The following GNG7 variants were observed in gnomAD, a reference collection of about 807,000 sequenced individuals.
GNG7 encodes the protein G protein subunit gamma 7, also known as guanine nucleotide-binding protein G(I)/G(S)/G(O) subunit gamma-7.
GNG7 carries 1 observed loss-of-function variant against 4.0 expected under a neutral mutation model. The observed-to-expected ratio is 0.25, with a 90% CI of 0.09 to 1.18. The LOEUF is 1.18. Ranked by LOEUF, GNG7 falls within the 50% of genes most tolerant of loss-of-function variation. The pLI is 0.50. For synonymous variants in GNG7, 34 were observed against 36.9 expected, an observed-to-expected ratio of 0.92 and a Z score of 0.29; for missense variants, 86 against 91.9, an observed-to-expected ratio of 0.94 and a Z score of 0.26.
chr19:2,592,697 G>A (rs938557169), intron 2 of GNG7, among the ~76,000 whole-genome samples: 6 of 136,262 alleles, frequency 4.4e-5, no homozygotes, highest in African/African-American at 1.3e-4. Context: ...TGATTGCATC[G>A]TTTCACTCCA....
intron 3 of GNG7, among the ~76,000 whole-genome samples, chr19:2,542,295 T>A (rs925234991): frequency 1.3e-5 from 2 of 151,922 alleles, no homozygotes; most frequent in Non-Finnish European, 2.9e-5. Flanking sequence ...TTGTATTTTT[T>A]AGTCGAGACG....
chr19:2,657,358 AAAAATATATATATATATAT>A (rs1490412630), intron 1 of GNG7, among the ~76,000 whole-genome samples: 6 of 21,060 alleles, frequency 2.8e-4, no homozygotes, highest in Admixed American at 7.9e-4. Flanking sequence ...AAAAAAAAAA[AAAAATATATATATATATAT>A]ATATATATAT....
intron 2 of GNG7, among the ~76,000 whole-genome samples, chr19:2,589,277 C>T (rs1980767005): frequency 6.7e-6 from 1 of 149,434 alleles, no homozygotes; most frequent in African/African-American, 2.5e-5. Context: ...GGCTGGAGTG[C>T]AGTGGCGCGA....
intron 1 of GNG7, among the ~76,000 whole-genome samples, chr19:2,658,957 G>A (rs1329398049): frequency 1.3e-5 from 2 of 150,520 alleles, no homozygotes; most frequent in African/African-American, 4.9e-5. Context: ...GTTGTATCAC[G>A]AACCAAGCGT....
At chr19:2,531,518 G>T (rs1249228207) in intron 3 of GNG7, among the ~76,000 whole-genome samples, 1 of 151,980 alleles carries the variant, frequency 6.6e-6, no homozygotes, top group African/African-American at 2.4e-5. Flanking sequence ...ATTTCTACAT[G>T]CAAATCCGCA....
In GNG7 at chr19:2,673,467, C is replaced by T. The variant is rs148438554; in HGVS notation, c.-134-27187G>A. Among the ~76,000 whole-genome samples the T allele has an allele frequency of 3.8e-3, 571 of 151,744 alleles. 3 individuals are homozygous for T. The highest frequency in any genetic ancestry group is 0.013 in the African/African-American group (550 of 41,396). ...CAGCACTTTGGGAGGCCGAGGCGGG[C>T]GGCTCACCTGAGGTCAGGAATTCGA... On this transcript the variant is annotated intron_variant, in intron 1 of 4. Coordinates refer to ENST00000382159, the MANE Select transcript of GNG7 (RefSeq NM_052847.3).
At chr19:2,573,315 G>T (rs1351730368) in intron 2 of GNG7, among the ~76,000 whole-genome samples, 1 of 151,120 alleles carries the variant, frequency 6.6e-6, no homozygotes, top group African/African-American at 2.4e-5. Flanking sequence ...GAGCCCCCAC[G>T]CCTGGCCTGG....
At chr19:2,683,804 G>C (rs1169536300) in intron 1 of GNG7, 1 of 152,248 alleles carries the variant, frequency 6.6e-6, no homozygotes, top group Admixed American at 6.5e-5. Flanking sequence ...TCTTGCACAG[G>C]GACGGGCCAG....
At position 2,605,265 on chromosome 19, in the gene GNG7, C is replaced by G. The variant is rs538438084; in HGVS notation, c.-78+40959G>C. 9.2e-5 allele frequency among the ~76,000 whole-genome samples: 14 copies of G among 152,222 alleles called. No individual in the cohort carries two copies. The South Asian group carries it at 2.7e-3, about 29-fold the overall frequency. On this transcript the variant is annotated intron_variant, in intron 2 of 4. Coordinates refer to ENST00000382159, the MANE Select transcript of GNG7 (RefSeq NM_052847.3). ...CAGGTTGGAGTGCACCAGACACCATCTCGGCTCACTGCAACCTCCGCCTCC... is the reference window on the plus strand; with the variant it reads ...CAGGTTGGAGTGCACCAGACACCATGTCGGCTCACTGCAACCTCCGCCTCC...
chr19:2,546,719 G>A lies in GNG7; in HGVS notation c.-38+8430C>T, dbSNP rs1028394314. On this transcript the variant is annotated intron_variant, in intron 3 of 4. Coordinates refer to ENST00000382159, the MANE Select transcript of GNG7 (RefSeq NM_052847.3). The surrounding 1 kb of genome is among the most constrained non-coding windows in gnomAD (Gnocchi z 6.3). ...AGGCCGCGACGACAGAGGGTGACGCGCCGCCAGTGTGGGTTTGGTCGCCGC... is the reference window on the plus strand; with the variant it reads ...AGGCCGCGACGACAGAGGGTGACGCACCGCCAGTGTGGGTTTGGTCGCCGC... Among the ~76,000 whole-genome samples, 49 of 152,338 alleles carry A rather than the reference G, an allele frequency of 3.2e-4. No individual in the cohort carries two copies. Among genetic ancestry groups the A allele is most frequent in the African/African-American group, 9.1e-4 (38 of 41,582 alleles).
At chr19:2,662,459 C>T (rs1983206570) in intron 1 of GNG7, among the ~76,000 whole-genome samples, 1 of 152,048 alleles carries the variant, frequency 6.6e-6, no homozygotes, top group South Asian at 2.1e-4. Context: ...TCTTCAGATA[C>T]CAGTAGCAAG....
Position 2,512,994 on chromosome 19 carries a change from G to T in GNG7, c.*2028C>A. ...CTGGGGCTCTCCCGGGCCAACAGCA[G>T]GTTTGGCGGGTAGGGCTCCCCGAAG... is the stretch of plus-strand genomic sequence containing the variant. On this transcript the variant is annotated 3_prime_UTR_variant, in exon 5 of 5. Transcript: ENST00000382159. The surrounding 1 kb of genome is among the most constrained non-coding windows in gnomAD (Gnocchi z 4.7). 1 of 985,470 alleles carries T rather than the reference G, an allele frequency of 1.0e-6. No homozygotes were observed. The highest frequency in any genetic ancestry group is 4.7e-5 in the South Asian group (1 of 21,292). 61.0% of individuals were successfully genotyped at this position (985,470 alleles called of 1,614,324 possible). A position where few individuals can be genotyped will look rare whatever the true frequency, so the allele number is the denominator to read the frequency against.
At chr19:2,551,892 C>G (rs1343351373) in intron 3 of GNG7, among the ~76,000 whole-genome samples, 1 of 151,988 alleles carries the variant, frequency 6.6e-6, no homozygotes, top group Non-Finnish European at 1.5e-5. Flanking sequence ...GCCATGTTGG[C>G]CAGTCTGGTC....
intron 2 of GNG7, among the ~76,000 whole-genome samples, chr19:2,622,202 C>T (rs1981892607): frequency 6.6e-6 from 1 of 152,074 alleles, no homozygotes; most frequent in Non-Finnish European, 1.5e-5. Context: ...GCCTCAGCCT[C>T]CTGAGTAGCT....
chr19:2,534,424 AG>A (rs1299625127), intron 3 of GNG7, among the ~76,000 whole-genome samples: 2 of 152,208 alleles, frequency 1.3e-5, no homozygotes, highest in African/African-American at 4.8e-5. Context: ...TACAAAATCA[AG>A]TGCAAAAATC....
chr19:2,604,750 C>T (rs1030220521), intron 2 of GNG7, among the ~76,000 whole-genome samples: 3 of 151,954 alleles, frequency 2.0e-5, no homozygotes, highest in African/African-American at 7.3e-5. Flanking sequence ...TTCACACCAC[C>T]CCAAGTTCAA....
chr19:2,549,315 T>C (rs562366347), intron 3 of GNG7, among the ~76,000 whole-genome samples: 7 of 149,692 alleles, frequency 4.7e-5, no homozygotes, highest in African/African-American at 1.7e-4. Flanking sequence ...TTCTTTTAGA[T>C]GGAGTCTCAC....
At chr19:2,620,879 C>T (rs1339538069) in intron 2 of GNG7, among the ~76,000 whole-genome samples, 4 of 152,164 alleles carry the variant, frequency 2.6e-5, no homozygotes, top group African/African-American at 9.7e-5. Flanking sequence ...TGCTGGCTGC[C>T]TTTGAGGCTG....
chr19:2,516,700 G>T (rs1972740176), intron 4 of GNG7, among the ~76,000 whole-genome samples: 1 of 152,212 alleles, frequency 6.6e-6, no homozygotes, highest in African/African-American at 2.4e-5. Context: ...TGATGAGCTT[G>T]AGGGAGGTTT....
Sources: allele counts gnomAD v4.1 joint callset (sites outside exome capture counted in the v4.1 genomes callset), GRCh38; gene constraint gnomAD v4.1.1; non-coding constraint Gnocchi (gnomAD v3.1); transcripts MANE v1.5; gene names NCBI Gene and HGNC (gene_info 2026-07-23, HGNC 2026-07-21).